The following KIF26B variants were observed in gnomAD, a reference collection of about 807,000 sequenced individuals.
The protein encoded by KIF26B is kinesin family member 26B.
In KIF26B, 63 loss-of-function variants were observed where a neutral mutation model predicts 151.2. The observed-to-expected ratio is 0.42, with a 90% CI of 0.34 to 0.51. The LOEUF (loss-of-function observed/expected upper bound fraction) is 0.51, where lower values mean the gene tolerates loss of function less well. KIF26B is among the 20% of genes least tolerant of loss of function. KIF26B has a pLI of 0.07. For missense variants in KIF26B, 2,813 were observed against 2,913.6 expected (o/e 0.97, Z 0.79); for synonymous variants, 1,357 against 1,262.1 (o/e 1.08, Z -1.59).
Position 245,688,470 on chromosome 1 carries a change from G to A in KIF26B, c.5487G>A (p.Ala1829=), listed in dbSNP as rs2044570694. 12 of 1,376,502 alleles carry A rather than the reference G, an allele frequency of 8.7e-6. No individual in the cohort carries two copies. The highest frequency in any genetic ancestry group is 3.8e-5 in the Admixed American group (1 of 26,122). The allele number at this position is 1,376,502 out of a possible 1,614,324, so 85.3% of individuals were successfully genotyped here. A position where few individuals can be genotyped will look rare whatever the true frequency, so the allele number is the denominator to read the frequency against. ...RGLQLRAGPE[A]EARGGALAED... ...TGCAGCTGCGGGCCGGGCCCGAGGC[G>A]GAGGCGCGCGGGGGGGCCCTGGCCG... The change falls in exon 12 of 15, where the codon GCG becomes GCA. Residue 1829 remains alanine, a synonymous_variant. Coordinates refer to ENST00000407071, the MANE Select transcript of KIF26B (RefSeq NM_018012.4).
At chr1:245,254,611 G>A (rs1008178261) in intron 2 of KIF26B, among the ~76,000 whole-genome samples, 1 of 152,184 alleles carries the variant, frequency 6.6e-6, no homozygotes, top group Non-Finnish European at 1.5e-5. Flanking sequence ...AGAATGGCAG[G>A]TTCTTAGTTC....
At chr1:245,417,499 G>A (rs1674448993) in intron 3 of KIF26B, among the ~76,000 whole-genome samples, 1 of 152,172 alleles carries the variant, frequency 6.6e-6, no homozygotes, top group Admixed American at 6.5e-5. Flanking sequence ...AGAACGTTCT[G>A]TGATCCTGAT....
intron 2 of KIF26B, among the ~76,000 whole-genome samples, chr1:245,273,361 T>G (rs1670884157): frequency 6.7e-6 from 1 of 148,432 alleles, no homozygotes; most frequent in Non-Finnish European, 1.5e-5. Flanking sequence ...GAGTTTGCAG[T>G]GAGCCGAGAT....
At chr1:245,484,793 A>ATTC (rs1553278710) in intron 4 of KIF26B, among the ~76,000 whole-genome samples, 2 of 145,178 alleles carry the variant, frequency 1.4e-5, no homozygotes, top group African/African-American at 2.5e-5. Context: ...TATTATTATT[A>ATTC]TTCTTTTAAT....
chr1:245,400,451 A>G (rs1236891301), intron 3 of KIF26B, among the ~76,000 whole-genome samples: 1 of 150,696 alleles, frequency 6.6e-6, no homozygotes, highest in African/African-American at 2.4e-5. Flanking sequence ...TGAGGGATGT[A>G]TGCCCACAGG....
At chr1:245,478,965 A>G (rs1042887198) in intron 4 of KIF26B, among the ~76,000 whole-genome samples, 32 of 151,886 alleles carry the variant, frequency 2.1e-4, no homozygotes, top group African/African-American at 7.5e-4. Context: ...GGATTTTGGC[A>G]TAACCTGTTG....
chr1:245,494,027 G>A (rs80081661), intron 4 of KIF26B, among the ~76,000 whole-genome samples: 4,847 of 152,214 alleles, frequency 0.032, 274 homozygotes, highest in African/African-American at 0.1. Context: ...CACATGGCGG[G>A]GTGCGGTGGC....
chr1:245,691,076 C>T (rs935820307), intron 12 of KIF26B, among the ~76,000 whole-genome samples: 4 of 152,254 alleles, frequency 2.6e-5, no homozygotes, highest in African/African-American at 9.6e-5. Context: ...CAGTGTCCCA[C>T]AGTGCTTTCA....
intron 4 of KIF26B, among the ~76,000 whole-genome samples, chr1:245,487,261 G>A (rs1482661700): frequency 1.3e-5 from 2 of 152,254 alleles, no homozygotes; most frequent in African/African-American, 4.8e-5. Flanking sequence ...CAGATTGGTG[G>A]CCCATATGTA....
At position 245,602,931 on chromosome 1, in the gene KIF26B, G is replaced by T. The variant is rs1490433535; in HGVS notation, c.1557+148G>T. 4 of 711,596 alleles carry T rather than the reference G, an allele frequency of 5.6e-6. No homozygotes were observed. In the East Asian group the frequency reaches 1.0e-4, roughly 18 times the overall value. 44.1% of individuals were successfully genotyped at this position (711,596 alleles called of 1,614,324 possible). A position where few individuals can be genotyped will look rare whatever the true frequency, so the allele number is the denominator to read the frequency against. ...GGAGTCAATCTGAGCTCCACCGAATGGTCCAGTGCTTTTGAATTACTGGTG... is the reference window on the plus strand; with the variant it reads ...GGAGTCAATCTGAGCTCCACCGAATTGTCCAGTGCTTTTGAATTACTGGTG... On this transcript the variant is annotated intron_variant, in intron 6 of 14. Coordinates refer to ENST00000407071, the MANE Select transcript of KIF26B (RefSeq NM_018012.4). The surrounding 1 kb of genome is among the most constrained non-coding windows in gnomAD (Gnocchi z 4.5).
At chr1:245,401,139 G>A (rs189069182) in intron 3 of KIF26B, among the ~76,000 whole-genome samples, 1 of 152,170 alleles carries the variant, frequency 6.6e-6, no homozygotes, top group African/African-American at 2.4e-5. Flanking sequence ...AAAGCGACTT[G>A]TTTTTTGAAA....
At chr1:245,316,567 T>C (rs1397759351) in intron 2 of KIF26B, among the ~76,000 whole-genome samples, 1 of 151,668 alleles carries the variant, frequency 6.6e-6, no homozygotes, top group East Asian at 1.9e-4. Flanking sequence ...CGGCCTCTTT[T>C]ATTTTTTTTC....
intron 2 of KIF26B, among the ~76,000 whole-genome samples, chr1:245,188,504 T>C (rs1182916203): frequency 6.6e-6 from 1 of 152,112 alleles, no homozygotes; most frequent in Admixed American, 6.5e-5. Flanking sequence ...ACTTTCCCTC[T>C]GTGCTTTGCA....
At chr1:245,449,636 G>T (rs1469228051) in intron 4 of KIF26B, among the ~76,000 whole-genome samples, 1 of 152,162 alleles carries the variant, frequency 6.6e-6, no homozygotes, top group East Asian at 1.9e-4. Context: ...CACCTGGCTA[G>T]CCCGAAGCTC....
At chr1:245,184,012 C>T (rs1175988206) in intron 2 of KIF26B, among the ~76,000 whole-genome samples, 4 of 128,062 alleles carry the variant, frequency 3.1e-5, no homozygotes, top group Non-Finnish European at 5.0e-5. Context: ...TACATCTTGA[C>T]CCCTAACCTC....
intron 9 of KIF26B, among the ~76,000 whole-genome samples, chr1:245,623,026 GTTTTTTTTTTT>G (rs56666383): frequency 3.6e-5 from 4 of 111,854 alleles, no homozygotes; most frequent in East Asian, 3.0e-4. Flanking sequence ...TCGTGAGCAA[GTTTTTTTTTTT>G]TTTTTTTTTT....
chr1:245,490,621 A>AT (rs913957318), intron 4 of KIF26B, among the ~76,000 whole-genome samples: 22 of 152,174 alleles, frequency 1.4e-4, no homozygotes, highest in Non-Finnish European at 3.1e-4. Flanking sequence ...TGTAGAACAC[A>AT]TTTTTATTAT....
rs113876626 is a variant in KIF26B, at chr1:245,591,506, G to A, written c.1351-11071G>A. 8.3e-4 allele frequency among the ~76,000 whole-genome samples: 126 copies of A among 152,266 alleles called. 3 individuals are homozygous for A. Among genetic ancestry groups the A allele is most frequent in the Middle Eastern group, 3.4e-3 (1 of 294 alleles). On this transcript the variant is annotated intron_variant, in intron 5 of 14. Transcript: ENST00000407071. ...CGTGCATGGACACATACTGATCAAC[G>A]TACAGCCAGCACTCAAACCCAGGCC... is the stretch of plus-strand genomic sequence containing the variant.
intron 4 of KIF26B, among the ~76,000 whole-genome samples, chr1:245,442,611 T>A (rs1659133592): frequency 6.6e-6 from 1 of 151,942 alleles, no homozygotes. Context: ...TGGGGAACTC[T>A]GGGGGTTTGT....
Sources: gnomAD v4.1 joint callset for allele counts (sites outside exome capture counted in the v4.1 genomes callset) on GRCh38, gnomAD v4.1.1 for gene constraint, Gnocchi (gnomAD v3.1) non-coding constraint, MANE v1.5 for transcripts, NCBI Gene and HGNC (gene_info 2026-07-23, HGNC 2026-07-21) for gene names.